TJP1: variants seen among roughly 807,000 people sequenced by gnomAD.
The protein encoded by TJP1 is tight junction protein 1.
A neutral mutation model predicts 194.2 loss-of-function variants in TJP1; 43 were observed. The ratio of observed to expected loss-of-function variants is 0.22; its 90% CI spans 0.17 to 0.29. TJP1 has a LOEUF of 0.29. TJP1 is among the 10% of genes least tolerant of loss of function. The pLI is 1.00. For missense variants in TJP1, 1,971 were observed against 2,185.7 expected, an observed-to-expected ratio of 0.90 and a Z score of 1.96; for synonymous variants, 801 against 779.0, an observed-to-expected ratio of 1.03 and a Z score of -0.47.
chr15:29,798,280 T>G (rs2048547736), intron 2 of TJP1, among the ~76,000 whole-genome samples: 1 of 151,928 alleles, frequency 6.6e-6, no homozygotes. Context: ...GTTTTTTTTT[T>G]TTTTTCTTTT....
At chr15:29,770,649 C>T (rs2046605863) in intron 4 of TJP1, among the ~76,000 whole-genome samples, 1 of 147,492 alleles carries the variant, frequency 6.8e-6, no homozygotes, top group Non-Finnish European at 1.5e-5. Flanking sequence ...CACTGCACTC[C>T]AGCCTGGGTG....
chr15:29,836,417 C>A (rs1416497556), intron 2 of TJP1, among the ~76,000 whole-genome samples: 1 of 151,986 alleles, frequency 6.6e-6, no homozygotes, highest in Non-Finnish European at 1.5e-5. Flanking sequence ...GGACTACAGG[C>A]ACCCGCCACC....
chr15:29,938,856 CTTGGCAACGCTT>C (rs1158075101), intron 2 of TJP1, among the ~76,000 whole-genome samples: 2 of 152,234 alleles, frequency 1.3e-5, no homozygotes, highest in Non-Finnish European at 2.9e-5. Context: ...CCAAACAGGA[CTTGGCAACGCTT>C]CCTAACTGCA....
At chr15:29,920,899 C>G (rs965670263) in intron 2 of TJP1, among the ~76,000 whole-genome samples, 1 of 152,172 alleles carries the variant, frequency 6.6e-6, no homozygotes, top group African/African-American at 2.4e-5. Context: ...ACATTTAACC[C>G]TCAGCATTCC....
chr15:29,741,341 C>G lies in TJP1; in HGVS notation c.1246G>C (p.Gly416Arg). The G allele has an allele frequency of 6.3e-7, 1 of 1,587,256 alleles. No individual in the cohort carries two copies. The highest frequency in any genetic ancestry group is 1.2e-5 in the South Asian group (1 of 85,472). Reference protein sequence around the residue: ...GVLPNSTHEDGILRPSMKLVK... With the variant: ...GVLPNSTHEDRILRPSMKLVK... ...TTAAAATTGTATTACCGAAGAATCC[C>G]ATCTTCATGAGTTGAATTAGGTAGG... Residue 416 changes from glycine to arginine, a missense_variant, in exon 10 of 28, where the codon GGG becomes CGG. This residue lies in a region of TJP1 where 192 missense variants were observed against 182.3 expected (regional missense o/e 1.05). Coordinates refer to ENST00000614355, the MANE Select transcript of TJP1 (RefSeq NM_001330239.4).
intron 2 of TJP1, among the ~76,000 whole-genome samples, chr15:29,930,000 AAAAATAAGTAACATT>A (rs2054654996): frequency 6.6e-6 from 1 of 152,212 alleles, no homozygotes; most frequent in Admixed American, 6.5e-5. Flanking sequence ...GGACAATTCC[AAAAATAAGTAACATT>A]AAAATTCAGT....
chr15:29,709,078 A>C (rs753621977), intron 24 of TJP1, 42 bp from the exon 25 acceptor site: 1 of 1,553,278 alleles, frequency 6.4e-7, no homozygotes. Flanking sequence ...TTCTGAAAAA[A>C]GTTATAATAG....
At chr15:29,965,393 G>A (rs2056299464) in intron 1 of TJP1, among the ~76,000 whole-genome samples, 1 of 151,984 alleles carries the variant, frequency 6.6e-6, no homozygotes, top group Non-Finnish European at 1.5e-5. Context: ...TATATTTTTA[G>A]TAGAGACAGG....
chr15:29,760,198 C>T (rs1203143480), intron 8 of TJP1: 5 of 702,048 alleles, frequency 7.1e-6, no homozygotes, highest in Non-Finnish European at 1.3e-5. Context: ...GCCTATAGAG[C>T]CTTGGGAGTC....
At chr15:29,739,040 T>C (rs2044223321) in intron 10 of TJP1, among the ~76,000 whole-genome samples, 1 of 152,038 alleles carries the variant, frequency 6.6e-6, no homozygotes, top group Non-Finnish European at 1.5e-5. Context: ...TGAGGCCCTG[T>C]CTCTTTAAAA....
At chr15:29,944,186 G>A (rs1389770167) in intron 2 of TJP1, among the ~76,000 whole-genome samples, 1 of 151,690 alleles carries the variant, frequency 6.6e-6, no homozygotes, top group Non-Finnish European at 1.5e-5. Context: ...TCCGCCTCCC[G>A]GGTTCATGCC....
intron 2 of TJP1, among the ~76,000 whole-genome samples, chr15:29,920,067 G>A (rs1307165358): frequency 2.0e-5 from 3 of 152,164 alleles, no homozygotes; most frequent in African/African-American, 7.2e-5. Context: ...AAGCAAGAGA[G>A]GCAGAACAGG....
chr15:29,746,913 A>G (rs1228297779), intron 8 of TJP1, among the ~76,000 whole-genome samples: 2 of 136,238 alleles, frequency 1.5e-5, no homozygotes, highest in African/African-American at 6.4e-5. Context: ...ATCTTTTAGG[A>G]AAAAAAAAAA....
Position 29,726,970 on chromosome 15 carries a change from C to T in TJP1, c.2122G>A (p.Val708Ile), listed in dbSNP as rs2043280182. The change falls in exon 17 of 28, where the codon GTA becomes ATA. Residue 708 changes from valine (V) to isoleucine (I), a missense_variant. By Grantham distance (29) the Val-to-Ile change is conservative. Transcript: ENST00000614355. ...AGACGATCAACTGCATTTGGTGTTA[C>T]ATCTAATAAAGCATGTTTGTCCTAG... ...IDQDKHALLD[V>I]TPNAVDRLNY... 2 of 1,613,998 alleles carry T rather than the reference C, an allele frequency of 1.2e-6. No homozygotes were observed. The highest frequency in any genetic ancestry group is 1.7e-6 in the Non-Finnish European group (2 of 1,179,950).
chr15:29,765,161 G>C (rs1302891289), intron 5 of TJP1, among the ~76,000 whole-genome samples: 1 of 152,152 alleles, frequency 6.6e-6, no homozygotes, highest in Non-Finnish European at 1.5e-5. Flanking sequence ...AAGCAAGCTA[G>C]AGACTGAAAA....
At position 29,845,071 on chromosome 15, in the gene TJP1, AGAT is replaced by A. The variant is rs1415481837; in HGVS notation, c.307-44372_307-44370del. 3.9e-5 allele frequency among the ~76,000 whole-genome samples: 6 copies of A among 152,330 alleles called. No homozygotes were observed. The South Asian group carries it at 1.0e-3, about 26-fold the overall frequency. On this transcript the variant is annotated intron_variant, in intron 2 of 28. Transcript: ENST00000356107. ...GTCAAATGCTATTGTTAGGCTAAGA[AGAT>A]GATAACAGAAAAATGACCAAAATGG...
intron 2 of TJP1, among the ~76,000 whole-genome samples, chr15:29,887,516 GT>G (rs1250192823): frequency 6.6e-6 from 1 of 151,754 alleles, no homozygotes; most frequent in Non-Finnish European, 1.5e-5. Context: ...AGCCAGGCTG[GT>G]CTTGAACTCC....
chr15:29,768,314 A>T (rs2046444661), intron 4 of TJP1, among the ~76,000 whole-genome samples: 1 of 152,236 alleles, frequency 6.6e-6, no homozygotes, highest in African/African-American at 2.4e-5. Flanking sequence ...AGCAACCCAC[A>T]GCTGAAGTCC....
At chr15:29,853,271 A>G (rs1169176790) in intron 2 of TJP1, among the ~76,000 whole-genome samples, 1 of 152,222 alleles carries the variant, frequency 6.6e-6, no homozygotes, top group Admixed American at 6.5e-5. Flanking sequence ...CTGGAGGAAC[A>G]TGTGTGTGAT....
Sources: allele counts gnomAD v4.1 joint callset (sites outside exome capture counted in the v4.1 genomes callset), GRCh38; gene constraint gnomAD v4.1.1; regional missense constraint gnomAD v4.1.1; transcripts MANE v1.5; gene names NCBI Gene and HGNC (gene_info 2026-07-23, HGNC 2026-07-21).